Variants in USP54 observed in about 807,000 individuals in gnomAD.
USP54 encodes the protein ubiquitin specific peptidase 54, also known as ubiquitin carboxyl-terminal hydrolase 54.
USP54 carries 87 observed loss-of-function variants against 170.5 expected under a neutral mutation model. The observed-to-expected ratio is 0.51, with a 90% CI of 0.43 to 0.61. The LOEUF (loss-of-function observed/expected upper bound fraction) is 0.61, where lower values mean the gene tolerates loss of function less well. USP54 is among the 20% of genes least tolerant of loss of function. The pLI is 0.00. For synonymous variants in USP54, 655 were observed against 742.8 expected, an observed-to-expected ratio of 0.88 and a Z score of 1.92; for missense variants, 1,786 against 2,047.8, an observed-to-expected ratio of 0.87 and a Z score of 2.47.
upstream of USP54, among the ~76,000 whole-genome samples, chr10:73,593,330 T>C (rs2078444032): frequency 1.3e-5 from 2 of 150,226 alleles, no homozygotes; most frequent in African/African-American, 2.5e-5. Context: ...TGAGCAGTGA[T>C]TGTGTCGCTG....
chr10:73,537,197 A>C (rs2065408445), intron 10 of USP54, among the ~76,000 whole-genome samples: 1 of 152,230 alleles, frequency 6.6e-6, no homozygotes, highest in African/African-American at 2.4e-5. Context: ...TGAGTTATTA[A>C]TTAAAACATT....
upstream of USP54, among the ~76,000 whole-genome samples, chr10:73,595,817 A>G (rs1323735619): frequency 6.6e-6 from 1 of 152,232 alleles, no homozygotes; most frequent in Non-Finnish European, 1.5e-5. Context: ...CTAGTCTTAC[A>G]GAAAGTAATC....
At chr10:73,574,874 A>G (rs968735551) in intron 3 of USP54, among the ~76,000 whole-genome samples, 1 of 151,422 alleles carries the variant, frequency 6.6e-6, no homozygotes, top group Non-Finnish European at 1.5e-5. Flanking sequence ...AAAAAGAAAG[A>G]AAAGAAAAGA....
At position 73,616,461 on chromosome 10, in the gene USP54, T is replaced by C. The variant is rs545556521; in HGVS notation, c.-18+9106A>G. ...GTGGCAGCTGAACAATGAAAACACA[T>C]GGACACAGGGAGGGGAACAACACAC... On this transcript the variant is annotated intron_variant, in intron 1 of 22. Coordinates refer to the USP54 transcript ENST00000339859. Among the ~76,000 whole-genome samples, 4 of 146,568 alleles carry C rather than the reference T, an allele frequency of 2.7e-5. No homozygotes were observed. In the South Asian group the frequency reaches 6.3e-4, roughly 23 times the overall value.
At chr10:73,510,820 A>G (rs1446214076) in intron 20 of USP54, among the ~76,000 whole-genome samples, 1 of 152,136 alleles carries the variant, frequency 6.6e-6, no homozygotes. Context: ...TTTTTTAGAT[A>G]TCTATAAGAT....
In USP54 at chr10:73,526,698, C is replaced by A. The variant is rs775511928; in HGVS notation, c.2143G>T (p.Val715Leu). The A allele has an allele frequency of 8.1e-6, 13 of 1,614,138 alleles. No individual in the cohort carries two copies. The highest frequency in any genetic ancestry group is 1.1e-5 in the Non-Finnish European group (13 of 1,180,026). The change falls in exon 16 of 24, where the codon GTA (valine) becomes TTA (leucine). Residue 715 changes from valine (V) to leucine (L), a missense_variant. By Grantham distance (32) the Val-to-Leu change is conservative. Transcript: ENST00000687698. Reference protein sequence around the residue: ...PKSHSSSILEVDSTASMGGWT... With the variant: ...PKSHSSSILELDSTASMGGWT... ...CCACCCATGGATGCTGTGGAGTCTA[C>A]CTCCAGGATGCTACTGCTGTGCGAC...
At chr10:73,519,683 A>G in intron 19 of USP54, 114 bp downstream of exon 19, 1 of 1,478,734 alleles carries the variant, frequency 6.8e-7, no homozygotes, top group Admixed American at 2.1e-5. Flanking sequence ...AAATCTTTTC[A>G]GAGGACTCCT....
At chr10:73,501,952 T>C (rs2058212150) in intron 22 of USP54, among the ~76,000 whole-genome samples, 1 of 152,196 alleles carries the variant, frequency 6.6e-6, no homozygotes. Flanking sequence ...TATTACCTCT[T>C]TACTCTTTAT....
intron 20 of USP54, among the ~76,000 whole-genome samples, chr10:73,515,276 C>CT (rs954241124): frequency 1.9e-4 from 29 of 150,732 alleles, no homozygotes; most frequent in Admixed American, 4.6e-4. Flanking sequence ...TAGAACATAT[C>CT]TTTTTTTAAA....
intron 12 of USP54, among the ~76,000 whole-genome samples, chr10:73,531,674 T>A (rs1244655423): frequency 6.6e-6 from 1 of 152,230 alleles, no homozygotes; most frequent in Admixed American, 6.5e-5. Flanking sequence ...AAAGGGCATT[T>A]CAACTTTGAT....
At chr10:73,605,519 T>G (rs764941389) in intron 1 of USP54, among the ~76,000 whole-genome samples, 4 of 152,006 alleles carry the variant, frequency 2.6e-5, no homozygotes, top group Non-Finnish European at 4.4e-5. Context: ...AGAGCAAGAC[T>G]CTGTCTCAAA....
chr10:73,550,882 G>A (rs1243632076), intron 4 of USP54, among the ~76,000 whole-genome samples: 18 of 152,186 alleles, frequency 1.2e-4, no homozygotes, highest in East Asian at 9.7e-4. Flanking sequence ...CGAGGTGGGC[G>A]GATCACGAGG....
intron 7 of USP54, among the ~76,000 whole-genome samples, chr10:73,542,110 G>GT (rs1296516847): frequency 1.3e-5 from 2 of 152,144 alleles, no homozygotes; most frequent in East Asian, 1.9e-4. Context: ...GTTGGTGGTG[G>GT]TTTTTTTGAG....
chr10:73,510,451 CTTT>C (rs200970566), intron 20 of USP54, among the ~76,000 whole-genome samples: 8 of 139,580 alleles, frequency 5.7e-5, no homozygotes, highest in Admixed American at 1.5e-4. Flanking sequence ...AACATTTATT[CTTT>C]TTTTTTTTTT....
At chr10:73,547,070 A>C (rs1255456074) in intron 4 of USP54, among the ~76,000 whole-genome samples, 2 of 152,240 alleles carry the variant, frequency 1.3e-5, no homozygotes, top group Admixed American at 1.3e-4. Context: ...TGGTGTAATT[A>C]AATGTATCTT....
At position 73,517,624 on chromosome 10, in the gene USP54, T is replaced by C; in HGVS notation, c.2802A>G (p.Ser934=). 2 of 1,614,224 alleles carry C rather than the reference T, an allele frequency of 1.2e-6. No individual in the cohort carries two copies. The highest frequency in any genetic ancestry group is 1.7e-6 in the Non-Finnish European group (2 of 1,180,036). The change falls in exon 20 of 24, where the codon TCA becomes TCG. Residue 934 remains serine (S), a synonymous_variant. Transcript: ENST00000687698. ...HSPASCHESH[S]SLSPESSAPQ... Reference sequence around the variant, plus strand: ...GGGCAGATGACTCTGGAGATAGTGATGAGTGTGACTCATGGCAGGAAGCAG... The same window carrying C: ...GGGCAGATGACTCTGGAGATAGTGACGAGTGTGACTCATGGCAGGAAGCAG...
At chr10:73,547,274 T>A (rs907715384) in intron 4 of USP54, among the ~76,000 whole-genome samples, 6 of 152,144 alleles carry the variant, frequency 3.9e-5, no homozygotes, top group Non-Finnish European at 8.8e-5. Flanking sequence ...TGGTGGTGCA[T>A]GCCTGTAGTC....
chr10:73,587,120 T>A (rs1413505564), intron 1 of USP54, among the ~76,000 whole-genome samples: 2 of 152,144 alleles, frequency 1.3e-5, no homozygotes, highest in Non-Finnish European at 2.9e-5. Context: ...TAAAGTTGTA[T>A]AATTTACTGA....
At chr10:73,598,693 C>T (rs771915211) in intron 1 of USP54, among the ~76,000 whole-genome samples, 58 of 152,030 alleles carry the variant, frequency 3.8e-4, no homozygotes, top group Non-Finnish European at 6.9e-4. Flanking sequence ...GGGTGGATCA[C>T]GAGGTCAGGA....
Sources: allele counts gnomAD v4.1 joint callset (sites outside exome capture counted in the v4.1 genomes callset), GRCh38; gene constraint gnomAD v4.1.1; transcripts MANE v1.5; gene names NCBI Gene and HGNC (gene_info 2026-07-23, HGNC 2026-07-21).